The following NEIL3 variants were observed in gnomAD, a reference collection of about 807,000 sequenced individuals.
NEIL3 encodes endonuclease 8-like 3.
A neutral mutation model predicts 57.5 loss-of-function variants in NEIL3; 48 were observed. The ratio of observed to expected loss-of-function variants is 0.83; its 90% CI spans 0.66 to 1.06. The LOEUF (loss-of-function observed/expected upper bound fraction) is 1.06. NEIL3 is among the 50% of genes least tolerant of loss of function. The probability of loss-of-function intolerance (pLI) is 0.00; values close to 1 mark genes in which losing one functional copy is unlikely to be tolerated. For synonymous variants in NEIL3, 261 were observed against 253.2 expected, an observed-to-expected ratio of 1.03 and a Z score of -0.29; for missense variants, 717 against 739.1, an observed-to-expected ratio of 0.97 and a Z score of 0.35.
chr4:177,337,431 TA>T (rs1193385018), intron 4 of NEIL3, among the ~76,000 whole-genome samples: 1 of 152,216 alleles, frequency 6.6e-6, no homozygotes, highest in Non-Finnish European at 1.5e-5. Context: ...AATGAAGCTT[TA>T]AAAGAAGCCA....
At position 177,351,541 on chromosome 4, in the gene NEIL3, G is replaced by A. The variant is rs1483293215; in HGVS notation, c.1031G>A (p.Arg344Lys). 1 of 1,610,628 alleles carries A rather than the reference G, an allele frequency of 6.2e-7. No individual in the cohort carries two copies. Among genetic ancestry groups the A allele is most frequent in the Admixed American group, 1.7e-5 (1 of 59,228 alleles). Residue 344 changes from arginine (R) to lysine (K), a missense_variant, in exon 7 of 10, where the codon AGG becomes AAG. Physicochemically the swap from Arg to Lys is conservative, Grantham distance 26. Coordinates refer to ENST00000264596, the MANE Select transcript of NEIL3 (RefSeq NM_018248.3). ...SKACDACLTS[R>K]PIDSVLKSEE... ...GCATGTGATGCTTGCTTGACCTCAA[G>A]GCCTATTGGTAAGACTGAATTTTGA...
At chr4:177,367,175 G>T (rs757461268), downstream of NEIL3, among the ~76,000 whole-genome samples, 1 of 150,480 alleles carries the variant, frequency 6.6e-6, no homozygotes, top group Non-Finnish European at 1.5e-5. Context: ...GTCTCATTCA[G>T]ATGGCTGTTT....
chr4:177,312,053 G>C (rs1437808594), intron 1 of NEIL3, among the ~76,000 whole-genome samples: 2 of 152,114 alleles, frequency 1.3e-5, no homozygotes, highest in Non-Finnish European at 2.9e-5. Flanking sequence ...TCACCTCATT[G>C]GTATTTAGGA....
chr4:177,341,473 T>C lies in NEIL3; in HGVS notation c.703-3T>C, dbSNP rs754744562. ...AGAATTTTTTGGTTTTTTTTTTTTT[T>C]AGTGCCGTAAAGCAGGACTTGCTCT... On this transcript the variant is annotated splice_polypyrimidine_tract_variant and splice_region_variant and intron_variant, in intron 5 of 9. Coordinates refer to ENST00000264596, the MANE Select transcript of NEIL3 (RefSeq NM_018248.3). 6.4e-7 allele frequency: 1 copy of C among 1,553,584 alleles called. No individual in the cohort carries two copies. Among genetic ancestry groups the C allele is most frequent in the Non-Finnish European group, 8.7e-7 (1 of 1,155,626 alleles).
intron 6 of NEIL3, among the ~76,000 whole-genome samples, chr4:177,343,947 CTAAA>C (rs1735158072): frequency 6.6e-6 from 1 of 151,974 alleles, no homozygotes; most frequent in Non-Finnish European, 1.5e-5. Context: ...TATTTGTCTA[CTAAA>C]TAAATGATTA....
intron 8 of NEIL3, among the ~76,000 whole-genome samples, chr4:177,356,510 A>G (rs902956318): frequency 6.6e-6 from 1 of 152,196 alleles, no homozygotes; most frequent in Non-Finnish European, 1.5e-5. Flanking sequence ...AATTACTGTC[A>G]TTTATTTCAT....
chr4:177,316,456 C>A (rs1282222542), intron 1 of NEIL3, among the ~76,000 whole-genome samples: 2 of 151,928 alleles, frequency 1.3e-5, no homozygotes, highest in Non-Finnish European at 2.9e-5. Flanking sequence ...ATTTGGTCCT[C>A]CTATGTTTAA....
intron 2 of NEIL3, among the ~76,000 whole-genome samples, chr4:177,329,032 A>G (rs1471653624): frequency 6.6e-6 from 1 of 152,180 alleles, no homozygotes; most frequent in Non-Finnish European, 1.5e-5. Flanking sequence ...TATCGTTTGA[A>G]TATATCACTG....
At chr4:177,316,608 G>A (rs1734579296) in intron 1 of NEIL3, among the ~76,000 whole-genome samples, 1 of 152,096 alleles carries the variant, frequency 6.6e-6, no homozygotes, top group African/African-American at 2.4e-5. Flanking sequence ...GGTGGGAGGG[G>A]AAGAAGTGAA....
At chr4:177,365,172 T>C (rs1012566224), downstream of NEIL3, among the ~76,000 whole-genome samples, 7 of 152,004 alleles carry the variant, frequency 4.6e-5, no homozygotes, top group Non-Finnish European at 8.8e-5. Flanking sequence ...TCTGCGTGAG[T>C]TTTCCTCTGG....
intron 9 of NEIL3, among the ~76,000 whole-genome samples, chr4:177,361,268 G>T (rs371377786): frequency 3.3e-5 from 5 of 152,194 alleles, no homozygotes; most frequent in African/African-American, 1.2e-4. Flanking sequence ...CGTTTAGTCA[G>T]TCTCACTTCC....
intron 9 of NEIL3, among the ~76,000 whole-genome samples, chr4:177,361,949 C>G (rs960885478): frequency 2.0e-5 from 3 of 152,086 alleles, no homozygotes; most frequent in Non-Finnish European, 2.9e-5. Flanking sequence ...TTAACTGAAA[C>G]AGACCTATAG....
Position 177,353,604 on chromosome 4 carries a change from A to G in NEIL3, c.1336A>G (p.Lys446Glu). The change falls in exon 8 of 10, where the codon AAA (lysine) becomes GAA (glutamate). Residue 446 changes from lysine to glutamate, a missense_variant. Physicochemically the swap from Lys to Glu is moderately conservative, Grantham distance 56. Transcript: ENST00000264596. ...AAACGATATAACTCAACCATCCAGC[A>G]AAGTAAACATATCACCTACAATCAG... is the stretch of plus-strand genomic sequence containing the variant. Reference protein sequence around the residue: ...TTNDITQPSSKVNISPTISSE... With the variant: ...TTNDITQPSSEVNISPTISSE... 4 of 1,613,764 alleles carry G rather than the reference A, an allele frequency of 2.5e-6. No individual in the cohort carries two copies. The South Asian group carries it at 3.3e-5, about 13-fold the overall frequency.
At chr4:177,318,323 T>C (rs76857694) in intron 1 of NEIL3, among the ~76,000 whole-genome samples, 6,367 of 152,276 alleles carry the variant, frequency 0.042, 254 homozygotes, top group East Asian at 0.25. Flanking sequence ...GTTTTTTCAA[T>C]TGATCTCACC....
Position 177,353,654 on chromosome 4 carries a change from A to G in NEIL3, c.1386A>G (p.Pro462=), listed in dbSNP as rs1477666068. 1.6e-5 allele frequency: 26 copies of G among 1,613,994 alleles called. No individual in the cohort carries two copies. Among genetic ancestry groups the G allele is most frequent in the East Asian group, 2.2e-5 (1 of 44,882 alleles). ...GTTCAGAATCTAAATTATTTAGTCCAGCACATAAAAAACCGAAAACAGCCC... is the reference window on the plus strand; with the variant it reads ...GTTCAGAATCTAAATTATTTAGTCCGGCACATAAAAAACCGAAAACAGCCC... ...TISSESKLFS[P]AHKKPKTAQY... Residue 462 remains proline (P), a synonymous_variant, in exon 8 of 10, where the codon CCA becomes CCG. Coordinates refer to ENST00000264596, the MANE Select transcript of NEIL3 (RefSeq NM_018248.3).
Position 177,362,453 on chromosome 4 carries a change from A to T in NEIL3, c.1800A>T (p.Lys600Asn). 1 of 1,612,076 alleles carries T rather than the reference A, an allele frequency of 6.2e-7. No individual in the cohort carries two copies. The highest frequency in any genetic ancestry group is 2.2e-5 in the East Asian group (1 of 44,818). Residue 600 changes from lysine to asparagine, a missense_variant, in exon 10 of 10, where the codon AAA becomes AAT. Coordinates refer to ENST00000264596, the MANE Select transcript of NEIL3 (RefSeq NM_018248.3). ...FQWAENGPGIKIIPGC is the reference protein window; with the variant it reads ...FQWAENGPGINIIPGC ...GGGCAGAAAATGGGCCAGGAATAAA[A>T]ATTATTCCTGGATGCTAATATCTGT... is the stretch of plus-strand genomic sequence containing the variant.
chr4:177,367,037 G>GT (rs939319241), downstream of NEIL3, among the ~76,000 whole-genome samples: 1 of 152,030 alleles, frequency 6.6e-6, no homozygotes, highest in Non-Finnish European at 1.5e-5. Context: ...AGATGTTCTA[G>GT]TTTTTTCCCC....
intron 4 of NEIL3, among the ~76,000 whole-genome samples, chr4:177,338,159 TAATA>T (rs1462362680): frequency 1.3e-5 from 2 of 152,232 alleles, no homozygotes; most frequent in Non-Finnish European, 2.9e-5. Context: ...ATTTGGAAAG[TAATA>T]AATATTTTGG....
At chr4:177,358,464 C>A (rs563493345) in intron 8 of NEIL3, among the ~76,000 whole-genome samples, 1 of 152,012 alleles carries the variant, frequency 6.6e-6, no homozygotes, top group East Asian at 1.9e-4. Flanking sequence ...CCCGCCACCA[C>A]GCCCAGCTAA....
Sources: allele counts gnomAD v4.1 joint callset (sites outside exome capture counted in the v4.1 genomes callset), GRCh38; gene constraint gnomAD v4.1.1; transcripts MANE v1.5; gene names NCBI Gene and HGNC (gene_info 2026-07-23, HGNC 2026-07-21).